Variants in DNAJC1 observed in about 807,000 individuals in gnomAD.
DNAJC1 encodes the protein DnaJ heat shock protein family (Hsp40) member C1.
In DNAJC1, 58 loss-of-function variants were observed where a neutral mutation model predicts 76.6. That is an observed-to-expected ratio of 0.76 (90% confidence interval 0.61 to 0.94). The LOEUF (loss-of-function observed/expected upper bound fraction) is 0.94. Ranked by LOEUF, DNAJC1 falls within the 40% of genes least tolerant of loss-of-function variation. The pLI is 0.00. For missense variants in DNAJC1, 689 were observed against 677.3 expected, an observed-to-expected ratio of 1.02 and a Z score of -0.19; for synonymous variants, 258 against 267.9, an observed-to-expected ratio of 0.96 and a Z score of 0.36.
chr10:21,757,203 G>C (rs1012385169), intron 11 of DNAJC1, among the ~76,000 whole-genome samples: 1 of 152,186 alleles, frequency 6.6e-6, no homozygotes, highest in African/African-American at 2.4e-5. Flanking sequence ...CCAGCCCCCA[G>C]GACACTGGCA....
At position 21,920,049 on chromosome 10, in the gene DNAJC1, G is replaced by T. The variant is rs1837016275; in HGVS notation, c.538-120C>A. On this transcript the variant is annotated intron_variant, in intron 4 of 11. Transcript: ENST00000376980. ...GAACATTTATGCAAATGTATGTAGGGTCCAACATGATTAAGTAAAATCATC... is the reference window on the plus strand; with the variant it reads ...GAACATTTATGCAAATGTATGTAGGTTCCAACATGATTAAGTAAAATCATC... 4 of 566,110 alleles carry T rather than the reference G, an allele frequency of 7.1e-6. No homozygotes were observed. In the South Asian group the frequency reaches 1.2e-4, roughly 17 times the overall value. The allele number at this position is 566,110 out of a possible 1,614,324, so 35.1% of individuals were successfully genotyped here.
chr10:21,850,597 ACTATGCACAT>A (rs1251297228), intron 8 of DNAJC1, among the ~76,000 whole-genome samples: 3 of 151,194 alleles, frequency 2.0e-5, no homozygotes, highest in African/African-American at 7.3e-5. Flanking sequence ...AGATGTGACT[ACTATGCACAT>A]CTATGCACAT....
intron 1 of DNAJC1, among the ~76,000 whole-genome samples, chr10:21,989,907 C>G (rs1213668013): frequency 6.6e-6 from 1 of 152,248 alleles, no homozygotes; most frequent in East Asian, 1.9e-4. Context: ...CAAGATGGGC[C>G]TGAAAATTAA....
intron 9 of DNAJC1, among the ~76,000 whole-genome samples, chr10:21,783,029 C>T (rs570052983): frequency 1.2e-4 from 19 of 152,094 alleles, no homozygotes; most frequent in Non-Finnish European, 2.4e-4. Flanking sequence ...CTATTCAACA[C>T]AGTGTTGGAA....
At chr10:21,855,478 A>C (rs1835819767) in intron 8 of DNAJC1, among the ~76,000 whole-genome samples, 1 of 152,214 alleles carries the variant, frequency 6.6e-6, no homozygotes, top group Non-Finnish European at 1.5e-5. Context: ...TTTTTGAAAA[A>C]AATAAAACTG....
At chr10:21,952,213 C>T (rs912777871) in intron 1 of DNAJC1, among the ~76,000 whole-genome samples, 1 of 152,088 alleles carries the variant, frequency 6.6e-6, no homozygotes, top group Non-Finnish European at 1.5e-5. Context: ...GTAAAACCCC[C>T]AAAAACTACT....
chr10:21,981,102 C>G (rs745919767), intron 1 of DNAJC1, among the ~76,000 whole-genome samples: 5 of 152,128 alleles, frequency 3.3e-5, no homozygotes, highest in South Asian at 4.1e-4. Context: ...ATGCATAATG[C>G]TGTTGGCCTA....
chr10:21,984,843 T>C lies in DNAJC1; in HGVS notation c.222+18370A>G, dbSNP rs116799366. 4.8e-3 allele frequency among the ~76,000 whole-genome samples: 730 copies of C among 152,294 alleles called. 8 individuals carry two copies. Among genetic ancestry groups the C allele is most frequent in the African/African-American group, 0.017 (700 of 41,552 alleles). On this transcript the variant is annotated intron_variant, in intron 1 of 11. Coordinates refer to ENST00000376980, the MANE Select transcript of DNAJC1 (RefSeq NM_022365.4). The stretch of plus-strand genomic sequence containing the variant: ...ATAGTGAGACCAAGTTCTGACAGCA[T>C]AGATGCAACAGTAGAAATAACCTTG...
At chr10:21,940,879 A>G (rs1837395474) in intron 1 of DNAJC1, among the ~76,000 whole-genome samples, 1 of 151,972 alleles carries the variant, frequency 6.6e-6, no homozygotes, top group African/African-American at 2.4e-5. Context: ...TATCTTGAAA[A>G]GGAGGTCCCT....
chr10:21,794,266 CAAAA>C (rs542182948), intron 9 of DNAJC1, among the ~76,000 whole-genome samples: 5 of 53,572 alleles, frequency 9.3e-5, no homozygotes, highest in South Asian at 6.2e-4. Flanking sequence ...TTCCTATCTT[CAAAA>C]AAAAAAAAAA....
intron 1 of DNAJC1, among the ~76,000 whole-genome samples, chr10:21,961,730 T>G (rs894135401): frequency 2.0e-5 from 3 of 152,154 alleles, no homozygotes; most frequent in African/African-American, 7.2e-5. Flanking sequence ...AAATGGTAAA[T>G]TTTTGTTATA....
At chr10:21,829,455 A>T (rs1171580736) in intron 8 of DNAJC1, among the ~76,000 whole-genome samples, 1 of 152,142 alleles carries the variant, frequency 6.6e-6, no homozygotes, top group Non-Finnish European at 1.5e-5. Flanking sequence ...TGACCTCATG[A>T]TCCGCCCACC....
At chr10:21,974,978 A>G (rs1208952692) in intron 1 of DNAJC1, among the ~76,000 whole-genome samples, 3 of 152,132 alleles carry the variant, frequency 2.0e-5, no homozygotes, top group Non-Finnish European at 2.9e-5. Flanking sequence ...TTCTAACAAT[A>G]TCATATTATG....
chr10:21,798,089 G>A (rs139087911), intron 9 of DNAJC1, among the ~76,000 whole-genome samples: 44 of 152,298 alleles, frequency 2.9e-4, no homozygotes, highest in Non-Finnish European at 5.4e-4. Flanking sequence ...ACACACACAG[G>A]CAATCATTTC....
At chr10:21,878,482 T>C (rs1371041211) in intron 8 of DNAJC1, among the ~76,000 whole-genome samples, 1 of 152,240 alleles carries the variant, frequency 6.6e-6, no homozygotes, top group Non-Finnish European at 1.5e-5. Flanking sequence ...AATGGTGCCA[T>C]GTACAGTAAG....
intron 8 of DNAJC1, among the ~76,000 whole-genome samples, chr10:21,831,645 C>A (rs1435976705): frequency 6.6e-6 from 1 of 151,968 alleles, no homozygotes; most frequent in Non-Finnish European, 1.5e-5. Flanking sequence ...AAAATATTAG[C>A]CAGGCATGGT....
chr10:21,912,943 T>C (rs765327880), intron 6 of DNAJC1, among the ~76,000 whole-genome samples: 11 of 151,670 alleles, frequency 7.3e-5, no homozygotes, highest in Non-Finnish European at 1.3e-4. Flanking sequence ...CTTCCATTTA[T>C]AGACAGTTGT....
At chr10:21,776,170 G>GAAAATTAAATCAGC (rs1382336670) in intron 9 of DNAJC1, among the ~76,000 whole-genome samples, 4 of 152,212 alleles carry the variant, frequency 2.6e-5, no homozygotes, top group African/African-American at 9.6e-5. Context: ...GAAATTAACA[G>GAAAATTAAATCAGC]AAAATTAAAT....
intron 11 of DNAJC1, among the ~76,000 whole-genome samples, chr10:21,757,461 T>A (rs1002983407): frequency 6.6e-6 from 1 of 152,238 alleles, no homozygotes; most frequent in African/African-American, 2.4e-5. Flanking sequence ...GTTCTGTAGC[T>A]TTTGCTGACT....
Sources: gnomAD v4.1 joint callset for allele counts (sites outside exome capture counted in the v4.1 genomes callset) on GRCh38, gnomAD v4.1.1 for gene constraint, MANE v1.5 for transcripts, NCBI Gene and HGNC (gene_info 2026-07-23, HGNC 2026-07-21) for gene names.